CCDC30: variants seen among roughly 807,000 people sequenced by gnomAD.
The protein encoded by CCDC30 is coiled-coil domain-containing protein 30.
Under a neutral mutation model 100.2 loss-of-function variants are expected in CCDC30, and 70 were observed. The observed-to-expected ratio is 0.70, with a 90% confidence interval of 0.58 to 0.85. The LOEUF is 0.85. Among genes scored for constraint, CCDC30 ranks in the 40% least tolerant of loss-of-function variants. CCDC30 has a pLI of 0.00. For synonymous variants in CCDC30, 233 were observed against 269.5 expected (o/e 0.86, Z 1.33); for missense variants, 652 against 771.2 (o/e 0.85, Z 1.83).
At chr1:42,646,351 CT>C in intron 15 of CCDC30, 34 bp downstream of exon 19, 1 of 1,432,920 alleles carries the variant, frequency 7.0e-7, no homozygotes. Context: ...CCACAATACC[CT>C]TCCCCACATT....
At chr1:42,548,497 G>A (rs60477448) in intron 6 of CCDC30, among the ~76,000 whole-genome samples, 1 of 151,996 alleles carries the variant, frequency 6.6e-6, no homozygotes, top group African/African-American at 2.4e-5. Flanking sequence ...TAAAACAAGG[G>A]CTTTTTATCA....
intron 6 of CCDC30, among the ~76,000 whole-genome samples, chr1:42,531,294 T>C (rs1040279297): frequency 2.0e-5 from 3 of 152,206 alleles, no homozygotes; most frequent in Non-Finnish European, 2.9e-5. Flanking sequence ...CCATGCTTCC[T>C]GTAGAGCCTG....
At chr1:42,484,481 C>A (rs1468918834) in intron 3 of CCDC30, among the ~76,000 whole-genome samples, 4 of 152,168 alleles carry the variant, frequency 2.6e-5, no homozygotes, top group Non-Finnish European at 5.9e-5. Flanking sequence ...ACATAGCAAC[C>A]TGTTCTATCA....
At chr1:42,492,360 T>TA in intron 4 of CCDC30, 1 of 203,210 alleles carries the variant, frequency 4.9e-6, no homozygotes, top group Non-Finnish European at 1.0e-5. Context: ...GTTAGAAAAG[T>TA]AAAAATGCTG....
At chr1:42,649,230 A>T (rs1648135305) in intron 15 of CCDC30, among the ~76,000 whole-genome samples, 1 of 152,226 alleles carries the variant, frequency 6.6e-6, no homozygotes, top group Non-Finnish European at 1.5e-5. Flanking sequence ...AAACCAGGCA[A>T]GACTATAAAA....
intron 6 of CCDC30, among the ~76,000 whole-genome samples, chr1:42,513,452 G>T (rs1413540944): frequency 6.6e-6 from 1 of 152,142 alleles, no homozygotes; most frequent in Non-Finnish European, 1.5e-5. Flanking sequence ...CATCTTGTCT[G>T]CTCCTTACTG....
chr1:42,627,579 A>T (rs924600031), intron 11 of CCDC30, among the ~76,000 whole-genome samples: 1 of 152,216 alleles, frequency 6.6e-6, no homozygotes, highest in Middle Eastern at 3.4e-3. Flanking sequence ...CAGGAGGAAA[A>T]AGTGGTTTTG....
intron 6 of CCDC30, among the ~76,000 whole-genome samples, chr1:42,502,290 T>C (rs1557809806): frequency 6.8e-6 from 1 of 147,404 alleles, no homozygotes. Context: ...GCGTGGGATA[T>C]AATCTCCTGG....
In CCDC30 at chr1:42,556,407, T is replaced by A. The variant is rs1645370936; in HGVS notation, c.457-9889T>A. 2 of 1,604,276 alleles carry A rather than the reference T, an allele frequency of 1.2e-6. No homozygotes were observed. Among genetic ancestry groups the A allele is most frequent in the Non-Finnish European group, 1.7e-6 (2 of 1,175,226 alleles). On this transcript the variant is annotated intron_variant, in intron 6 of 16. Transcript: ENST00000668663. ...AGTTCAGATGACAGTGGTGCCCAGG[T>A]AGGTGCTATAAACACATGCCCTGAC...
intron 6 of CCDC30, among the ~76,000 whole-genome samples, chr1:42,542,181 G>A (rs1373973014): frequency 1.3e-5 from 2 of 152,178 alleles, no homozygotes; most frequent in African/African-American, 4.8e-5. Flanking sequence ...GCCATGTCAT[G>A]GAGGGTCTGA....
At chr1:42,498,787 A>G in intron 5 of CCDC30, 31 bp from the exon 6 acceptor site, 1 of 1,061,970 alleles carries the variant, frequency 9.4e-7, no homozygotes, top group Non-Finnish European at 1.2e-6. Context: ...AAAATTGAGA[A>G]GTCTACAAGG....
intron 6 of CCDC30, among the ~76,000 whole-genome samples, chr1:42,534,134 A>G (rs988511638): frequency 2.0e-5 from 3 of 152,224 alleles, no homozygotes; most frequent in African/African-American, 7.2e-5. Context: ...TAAATTTTAA[A>G]TATATATTCT....
chr1:42,529,366 G>A (rs113804158), intron 6 of CCDC30, among the ~76,000 whole-genome samples: 10 of 152,268 alleles, frequency 6.6e-5, no homozygotes, highest in East Asian at 1.9e-4. Context: ...TAGCTACTTG[G>A]GGGGCTGAGG....
chr1:42,625,910 T>C (rs2148663001), intron 11 of CCDC30, among the ~76,000 whole-genome samples: 1 of 152,308 alleles, frequency 6.6e-6, no homozygotes, highest in Admixed American at 6.5e-5. Flanking sequence ...TCTTTGTTGA[T>C]TTTCTGTCTG....
At chr1:42,470,059 C>T (rs1643717780) in intron 1 of CCDC30, among the ~76,000 whole-genome samples, 5 of 152,176 alleles carry the variant, frequency 3.3e-5, no homozygotes, top group African/African-American at 4.8e-5. Flanking sequence ...TGAACTTTTA[C>T]AGGGCTGAGA....
chr1:42,460,122 A>G, upstream of CCDC30: 2 of 1,343,710 alleles, frequency 1.5e-6, no homozygotes, highest in Non-Finnish European at 1.9e-6. Context: ...GAAATTGAAC[A>G]CTAGAACTGT....
At chr1:42,517,203 C>T (rs141606898) in intron 6 of CCDC30, among the ~76,000 whole-genome samples, 231 of 152,240 alleles carry the variant, frequency 1.5e-3, no homozygotes, top group African/African-American at 5.1e-3. Flanking sequence ...CCTGCCATAG[C>T]CTCCTGAGTA....
chr1:42,620,783 A>G (rs1646815718), intron 11 of CCDC30, among the ~76,000 whole-genome samples: 1 of 152,186 alleles, frequency 6.6e-6, no homozygotes, highest in Non-Finnish European at 1.5e-5. Context: ...TATGTTACCC[A>G]TCTATTACAA....
At chr1:42,638,559 C>CA (rs55773821) in intron 12 of CCDC30, among the ~76,000 whole-genome samples, 1,602 of 116,316 alleles carry the variant, frequency 0.014, 25 homozygotes, top group African/African-American at 0.038. Context: ...CACCCATGGG[C>CA]AAAAAAAAAA....
Sources: allele counts gnomAD v4.1 joint callset (sites outside exome capture counted in the v4.1 genomes callset), GRCh38; gene constraint gnomAD v4.1.1; transcripts MANE v1.5; gene names NCBI Gene and HGNC (gene_info 2026-07-23, HGNC 2026-07-21).